Variants in THEMIS observed in about 807,000 individuals in gnomAD.
THEMIS encodes the protein thymocyte selection associated, also known as protein THEMIS.
A neutral mutation model predicts 52.6 loss-of-function variants in THEMIS; 37 were observed. The ratio of observed to expected loss-of-function variants is 0.70; its 90% CI spans 0.54 to 0.93. THEMIS has a LOEUF of 0.93. Ranked by LOEUF, THEMIS falls within the 40% of genes least tolerant of loss-of-function variation. The pLI, the probability that THEMIS is intolerant of heterozygous loss-of-function variation, is 0.00. For missense variants in THEMIS, 808 were observed against 763.1 expected (o/e 1.06, Z -0.69); for synonymous variants, 292 against 272.7 (o/e 1.07, Z -0.70).
chr6:127,707,184 A>G (rs374498261), downstream of THEMIS, among the ~76,000 whole-genome samples: 6 of 152,220 alleles, frequency 3.9e-5, 1 homozygote, highest in Admixed American at 2.0e-4. Context: ...ATTACCTCCC[A>G]CCAGGTCCCT....
chr6:127,709,046 T>A lies in THEMIS; in HGVS notation c.*939A>T, dbSNP rs1773885995. 6.6e-6 allele frequency: 1 copy of A among 152,058 alleles called. No individual in the cohort carries two copies. The highest frequency in any genetic ancestry group is 2.4e-5 in the African/African-American group (1 of 41,436). The allele number at this position is 152,058 out of a possible 1,614,324, so 9.4% of individuals were successfully genotyped here. A position where few individuals can be genotyped will look rare whatever the true frequency, so the allele number is the denominator to read the frequency against. ...ATATTGTTCCTGTATACTTAATACA[T>A]AATAAGATAAATTATTAAAATGTGA... On this transcript the variant is annotated 3_prime_UTR_variant, in exon 6 of 6. Coordinates refer to ENST00000368248, the MANE Select transcript of THEMIS (RefSeq NM_001010923.3).
intron 4 of THEMIS, among the ~76,000 whole-genome samples, chr6:127,781,524 G>T (rs376734869): frequency 5.3e-5 from 8 of 152,158 alleles, no homozygotes; most frequent in Admixed American, 2.6e-4. Context: ...CTTCTTTGTG[G>T]ATTTATCTAT....
At chr6:127,874,928 C>T (rs921030952) in intron 1 of THEMIS, among the ~76,000 whole-genome samples, 1 of 152,234 alleles carries the variant, frequency 6.6e-6, no homozygotes, top group African/African-American at 2.4e-5. Flanking sequence ...AGGAGGTGAG[C>T]AGCTGAACAG....
At chr6:127,763,517 AC>A (rs1205936464) in intron 4 of THEMIS, among the ~76,000 whole-genome samples, 9 of 151,920 alleles carry the variant, frequency 5.9e-5, no homozygotes, top group Non-Finnish European at 1.3e-4. Flanking sequence ...ACAAAAACAA[AC>A]CAAAAAAAAG....
chr6:127,822,038 T>C (rs1181547404), intron 3 of THEMIS, among the ~76,000 whole-genome samples: 1 of 151,978 alleles, frequency 6.6e-6, no homozygotes, highest in East Asian at 1.9e-4. Context: ...ATAATCTCTA[T>C]ATTTGTTAGA....
upstream of THEMIS, among the ~76,000 whole-genome samples, chr6:127,905,899 A>T (rs1781257441): frequency 6.6e-6 from 1 of 151,594 alleles, no homozygotes; most frequent in African/African-American, 2.4e-5. Context: ...GCTAGCAAAC[A>T]TTATGATGGT....
intron 4 of THEMIS, among the ~76,000 whole-genome samples, chr6:127,795,010 G>A (rs1336297517): frequency 6.6e-6 from 1 of 152,184 alleles, no homozygotes; most frequent in Admixed American, 6.5e-5. Flanking sequence ...GAAAGCAGAT[G>A]TTCATCATGT....
chr6:127,766,470 T>C lies in THEMIS; in HGVS notation c.1758+46413A>G, dbSNP rs139453500. Among the ~76,000 whole-genome samples, 114 of 152,316 alleles carry C rather than the reference T, an allele frequency of 7.5e-4. No individual in the cohort carries two copies. The East Asian group carries it at 0.017, about 23-fold the overall frequency. On this transcript the variant is annotated intron_variant, in intron 4 of 5. Coordinates refer to ENST00000368248, the MANE Select transcript of THEMIS (RefSeq NM_001010923.3). ...CTTTGTATTCTACTTCTATATAACATAATTTTCTTCCTCACTTAAGTCACA... is the reference window on the plus strand; with the variant it reads ...CTTTGTATTCTACTTCTATATAACACAATTTTCTTCCTCACTTAAGTCACA...
At chr6:127,728,218 G>A (rs1404457485) in intron 4 of THEMIS, among the ~76,000 whole-genome samples, 1 of 152,096 alleles carries the variant, frequency 6.6e-6, no homozygotes, top group Non-Finnish European at 1.5e-5. Context: ...CACGATCTTG[G>A]ATTCTAACAC....
intron 4 of THEMIS, among the ~76,000 whole-genome samples, chr6:127,769,406 A>G (rs976191669): frequency 1.4e-5 from 2 of 144,866 alleles, no homozygotes; most frequent in African/African-American, 5.1e-5. Flanking sequence ...GTGTTGTCCT[A>G]CAATATGTTC....
At chr6:127,818,935 T>C (rs1778228810) in intron 3 of THEMIS, among the ~76,000 whole-genome samples, 1 of 151,488 alleles carries the variant, frequency 6.6e-6, no homozygotes, top group Non-Finnish European at 1.5e-5. Flanking sequence ...CTGGCTAACA[T>C]GGTGAAACCC....
At chr6:127,865,630 C>T (rs181552949) in intron 1 of THEMIS, among the ~76,000 whole-genome samples, 1 of 152,130 alleles carries the variant, frequency 6.6e-6, no homozygotes, top group Admixed American at 6.6e-5. Flanking sequence ...AAATTATTAT[C>T]CATAGTAATA....
At chr6:127,711,755 G>A (rs1773990167) in intron 5 of THEMIS, among the ~76,000 whole-genome samples, 1 of 151,936 alleles carries the variant, frequency 6.6e-6, no homozygotes, top group South Asian at 2.1e-4. Flanking sequence ...TCTATAAAAA[G>A]GAATAACAGC....
chr6:127,780,487 G>C (rs552028591), intron 4 of THEMIS, among the ~76,000 whole-genome samples: 2 of 152,336 alleles, frequency 1.3e-5, no homozygotes, highest in African/African-American at 4.8e-5. Flanking sequence ...TTTCTTCATA[G>C]TGTTGATGGT....
At chr6:127,897,810 C>A (rs970634926) in intron 1 of THEMIS, among the ~76,000 whole-genome samples, 1 of 151,568 alleles carries the variant, frequency 6.6e-6, no homozygotes, top group Non-Finnish European at 1.5e-5. Flanking sequence ...TGCATATACA[C>A]GTAGGCACAC....
intron 4 of THEMIS, among the ~76,000 whole-genome samples, chr6:127,757,729 C>T (rs1000345963): frequency 5.9e-5 from 9 of 152,028 alleles, no homozygotes; most frequent in South Asian, 4.1e-4. Context: ...GTGATTGGCC[C>T]GCCTCGGCCT....
In THEMIS at chr6:127,813,335, C is replaced by G; in HGVS notation, c.1306G>C (p.Glu436Gln). Reference sequence around the variant, plus strand: ...TACTGTTTCTTATCATGAATCACCTCTACAAAACCTCCTTCCATGTACAAA... The same window carrying G: ...TACTGTTTCTTATCATGAATCACCTGTACAAAACCTCCTTCCATGTACAAA... ...LPLYMEGGFVEVIHDKKQYPI... is the reference protein window; with the variant it reads ...LPLYMEGGFVQVIHDKKQYPI... Residue 436 changes from glutamate (E) to glutamine (Q), a missense_variant, in exon 4 of 6, where the codon GAG (glutamate) becomes CAG (glutamine). Physicochemically the swap from Glu to Gln is conservative, Grantham distance 29. Coordinates refer to ENST00000368248, the MANE Select transcript of THEMIS (RefSeq NM_001010923.3). 1 of 1,614,152 alleles carries G rather than the reference C, an allele frequency of 6.2e-7. No homozygotes were observed. The highest frequency in any genetic ancestry group is 8.5e-7 in the Non-Finnish European group (1 of 1,180,028).
At chr6:127,818,221 A>G (rs922700203) in intron 3 of THEMIS, among the ~76,000 whole-genome samples, 5 of 152,182 alleles carry the variant, frequency 3.3e-5, no homozygotes, top group African/African-American at 7.2e-5. Flanking sequence ...GGGACAAAAA[A>G]GCTGAGAAAC....
chr6:127,886,627 A>C (rs1780653402), intron 1 of THEMIS, among the ~76,000 whole-genome samples: 2 of 152,134 alleles, frequency 1.3e-5, no homozygotes, highest in African/African-American at 2.4e-5. Context: ...TGGGCACTCC[A>C]TGTTTATGAG....
Sources: allele counts gnomAD v4.1 joint callset (sites outside exome capture counted in the v4.1 genomes callset), GRCh38; gene constraint gnomAD v4.1.1; transcripts MANE v1.5; gene names NCBI Gene and HGNC (gene_info 2026-07-23, HGNC 2026-07-21).